GSE1: variants seen among roughly 807,000 people sequenced by gnomAD.
GSE1 encodes Gse1 coiled-coil protein, also known as genetic suppressor element 1.
In GSE1, 32 loss-of-function variants were observed where a neutral mutation model predicts 112.6. The observed-to-expected ratio is 0.28, with a 90% CI of 0.21 to 0.38. The LOEUF is 0.38. Among genes scored for constraint, GSE1 ranks in the 10% least tolerant of loss-of-function variants. The pLI, the probability that GSE1 is intolerant of heterozygous loss-of-function variation, is 1.00. For synonymous variants in GSE1, 1,115 were observed against 735.6 expected (o/e 1.52, Z -8.35); for missense variants, 2,348 against 1,699.2 (o/e 1.38, Z -6.71).
intron 1 of GSE1, among the ~76,000 whole-genome samples, chr16:85,254,524 C>G (rs964719520): frequency 6.6e-6 from 1 of 152,220 alleles, no homozygotes; most frequent in South Asian, 2.1e-4. Context: ...TGGCAATGAG[C>G]GTCATCAATT....
chr16:85,271,326 C>T (rs574009286), intron 1 of GSE1, among the ~76,000 whole-genome samples: 26 of 152,314 alleles, frequency 1.7e-4, no homozygotes, highest in African/African-American at 4.8e-4. Flanking sequence ...TCCCCGCGCT[C>T]CTGCCTGTTT....
intron 2 of GSE1, among the ~76,000 whole-genome samples, chr16:85,634,361 C>T (rs762534301): frequency 3.3e-5 from 5 of 152,228 alleles, no homozygotes; most frequent in Admixed American, 6.5e-5. Context: ...TGTCCTTCCT[C>T]GGCCCCCGGA....
In GSE1 at chr16:85,672,423, C is replaced by T; in HGVS notation, c.3538C>T (p.Gln1180Ter). The T allele has an allele frequency of 6.2e-7, 1 of 1,612,076 alleles. No individual in the cohort carries two copies. The highest frequency in any genetic ancestry group is 8.5e-7 in the Non-Finnish European group (1 of 1,178,474). Residue 1180 changes from glutamine to a stop codon, truncating the protein, a stop_gained, in exon 16 of 16, where the codon CAG becomes TAG. Transcript: ENST00000253458. LOFTEE classifies it high-confidence loss of function. ...HSVAELRSQK[Q>*]KMVSERERLQ... ...TCTCCAGGAGTTGAGGAGCCAGAAA[C>T]AGAAGATGGTCTCAGAAAGGGAGCG... is the stretch of plus-strand genomic sequence containing the variant.
intron 1 of GSE1, among the ~76,000 whole-genome samples, chr16:85,248,986 G>A (rs920255807): frequency 1.3e-5 from 2 of 152,214 alleles, no homozygotes; most frequent in Non-Finnish European, 2.9e-5. Context: ...TGAGGAACTT[G>A]GGGCGGGGGA....
chr16:85,503,892 T>C (rs2051450387), intron 2 of GSE1, among the ~76,000 whole-genome samples: 1 of 152,186 alleles, frequency 6.6e-6, no homozygotes, highest in South Asian at 2.1e-4. Context: ...GCAGCCAGGC[T>C]GGGGAATTCG....
chr16:85,617,931 G>A (rs532563832), intron 1 of GSE1, among the ~76,000 whole-genome samples: 1 of 152,148 alleles, frequency 6.6e-6, no homozygotes, highest in Non-Finnish European at 1.5e-5. Context: ...GCAGGACGGC[G>A]TGGCACCTGT....
intron 2 of GSE1, among the ~76,000 whole-genome samples, chr16:85,391,362 G>A (rs773195696): frequency 3.9e-4 from 60 of 152,288 alleles, no homozygotes; most frequent in Non-Finnish European, 5.4e-4. Flanking sequence ...TGTCCCCTGC[G>A]GCTGCCGTAA....
intron 1 of GSE1, among the ~76,000 whole-genome samples, chr16:85,286,726 A>G (rs1311725108): frequency 6.7e-6 from 1 of 149,636 alleles, no homozygotes; most frequent in African/African-American, 2.5e-5. Flanking sequence ...TTTTTGAAAG[A>G]TGAAAGATTT....
intron 2 of GSE1, among the ~76,000 whole-genome samples, chr16:85,465,294 G>A (rs2050092462): frequency 6.6e-6 from 1 of 152,196 alleles, no homozygotes; most frequent in Admixed American, 6.5e-5. Context: ...CTGCTTCTGT[G>A]CCACGCCCTG....
At position 85,243,472 on chromosome 16, in the gene GSE1, C is replaced by T. The variant is rs141280248; in HGVS notation, c.2283+71665C>T. Among the ~76,000 whole-genome samples the T allele has an allele frequency of 3.8e-3, 582 of 152,304 alleles. 8 individuals carry two copies. Among genetic ancestry groups the T allele is most frequent in the African/African-American group, 0.013 (548 of 41,556 alleles). On this transcript the variant is annotated intron_variant, in intron 1 of 2. Coordinates refer to the GSE1 transcript ENST00000637419. ...GCATCCCGGCCTGTGTTGAAGAAGG[C>T]GGTGGCGTGTGGCTGCTTGCTGCCG...
chr16:85,432,561 A>G (rs1440762067), intron 2 of GSE1, among the ~76,000 whole-genome samples: 1 of 152,236 alleles, frequency 6.6e-6, no homozygotes, highest in Admixed American at 6.5e-5. Context: ...GCCTGCAAGC[A>G]CATATGTTGC....
intron 2 of GSE1, among the ~76,000 whole-genome samples, chr16:85,486,516 T>C (rs760524265): frequency 6.6e-6 from 1 of 152,230 alleles, no homozygotes; most frequent in South Asian, 2.1e-4. Context: ...GGGGGTGGCA[T>C]GTCTCCTGTC....
At chr16:85,637,033 TTTAG>T (rs1440259446) in intron 2 of GSE1, among the ~76,000 whole-genome samples, 1 of 152,220 alleles carries the variant, frequency 6.6e-6, no homozygotes, top group Non-Finnish European at 1.5e-5. Context: ...TTAAAATTTT[TTTAG>T]TTACAATTCA....
intron 3 of GSE1, among the ~76,000 whole-genome samples, chr16:85,653,443 C>T (rs562828477): frequency 1.3e-5 from 2 of 150,298 alleles, no homozygotes; most frequent in East Asian, 4.0e-4. Context: ...CACGGCCTAT[C>T]CTTGAACTTG....
At chr16:85,509,303 G>T (rs538700761) in intron 2 of GSE1, among the ~76,000 whole-genome samples, 2 of 152,310 alleles carry the variant, frequency 1.3e-5, no homozygotes, top group African/African-American at 4.8e-5. Flanking sequence ...GGCAGTGTTG[G>T]TGGGGGACCG....
At chr16:85,370,991 C>G (rs984721084) in intron 2 of GSE1, among the ~76,000 whole-genome samples, 1 of 152,220 alleles carries the variant, frequency 6.6e-6, no homozygotes, top group Non-Finnish European at 1.5e-5. Flanking sequence ...GGCCTGCGCC[C>G]GGCGGTGGCT....
intron 1 of GSE1, among the ~76,000 whole-genome samples, chr16:85,587,172 C>CCT (rs2059037793): frequency 6.7e-6 from 1 of 150,096 alleles, no homozygotes; most frequent in African/African-American, 2.4e-5. Flanking sequence ...GACGAAACCC[C>CCT]CCCCCCCCCA....
chr16:85,454,780 C>T (rs1283876623), intron 2 of GSE1, among the ~76,000 whole-genome samples: 1 of 152,188 alleles, frequency 6.6e-6, no homozygotes, highest in Non-Finnish European at 1.5e-5. Context: ...CATCATCATG[C>T]AGCCTTCTAT....
chr16:85,533,419 C>CA (rs373488936), intron 2 of GSE1, among the ~76,000 whole-genome samples: 7 of 150,910 alleles, frequency 4.6e-5, no homozygotes, highest in African/African-American at 1.5e-4. Flanking sequence ...GACTCCGTTT[C>CA]AAAAAAACAC....
Sources: gnomAD v4.1 joint callset for allele counts (sites outside exome capture counted in the v4.1 genomes callset) on GRCh38, gnomAD v4.1.1 for gene constraint, MANE v1.5 for transcripts, NCBI Gene and HGNC (gene_info 2026-07-23, HGNC 2026-07-21) for gene names.